The following BABAM2 variants were observed in gnomAD, a reference collection of about 807,000 sequenced individuals.
BABAM2 encodes BRISC and BRCA1 A complex member 2.
In BABAM2, 31 loss-of-function variants were observed where a neutral mutation model predicts 54.7. That is an observed-to-expected ratio of 0.57 (90% CI 0.43 to 0.77). The LOEUF (loss-of-function observed/expected upper bound fraction) is 0.77, where lower values mean the gene tolerates loss of function less well. Ranked by LOEUF, BABAM2 falls within the 30% of genes least tolerant of loss-of-function variation. BABAM2 has a pLI of 0.00. For missense variants in BABAM2, 364 were observed against 455.8 expected (o/e 0.80, Z 1.83); for synonymous variants, 167 against 162.9 (o/e 1.03, Z -0.19).
intron 9 of BABAM2, among the ~76,000 whole-genome samples, chr2:28,241,814 C>A (rs918023137): frequency 6.6e-6 from 1 of 151,554 alleles, no homozygotes; most frequent in African/African-American, 2.4e-5. Flanking sequence ...CTTTTTAATG[C>A]CACTTTGATC....
chr2:28,295,059 C>A (rs1687574371), intron 10 of BABAM2, among the ~76,000 whole-genome samples: 1 of 152,192 alleles, frequency 6.6e-6, no homozygotes, highest in Admixed American at 6.5e-5. Flanking sequence ...CAGGTAGATA[C>A]ATTTCCTTCA....
intron 6 of BABAM2, among the ~76,000 whole-genome samples, chr2:28,112,412 G>A (rs990052344): frequency 4.0e-5 from 6 of 151,378 alleles, no homozygotes; most frequent in Non-Finnish European, 7.4e-5. Context: ...TTGTGTCCAT[G>A]TGTTCTCATT....
chr2:27,914,230 C>A (rs1357661270), intron 2 of BABAM2, among the ~76,000 whole-genome samples: 1 of 152,128 alleles, frequency 6.6e-6, no homozygotes, highest in South Asian at 2.1e-4. Context: ...CTCCATGAGT[C>A]CCAACACAGC....
At chr2:28,133,644 G>A (rs1367241826) in intron 7 of BABAM2, among the ~76,000 whole-genome samples, 3 of 152,170 alleles carry the variant, frequency 2.0e-5, no homozygotes, top group African/African-American at 4.8e-5. Flanking sequence ...CAGTCTGACT[G>A]TTCCTCTGTC....
At chr2:28,277,173 T>C (rs1336661881) in intron 10 of BABAM2, among the ~76,000 whole-genome samples, 2 of 152,166 alleles carry the variant, frequency 1.3e-5, no homozygotes, top group Non-Finnish European at 2.9e-5. Flanking sequence ...TGGGGCGACC[T>C]CGGCTCACTG....
At chr2:28,025,912 A>G (rs991189321) in intron 5 of BABAM2, among the ~76,000 whole-genome samples, 1 of 152,216 alleles carries the variant, frequency 6.6e-6, no homozygotes, top group Admixed American at 6.5e-5. Flanking sequence ...GTCAGACCTT[A>G]TCACTTCTCT....
At chr2:28,293,062 A>G (rs1687415850) in intron 10 of BABAM2, among the ~76,000 whole-genome samples, 2 of 152,122 alleles carry the variant, frequency 1.3e-5, no homozygotes, top group Non-Finnish European at 1.5e-5. Flanking sequence ...CCCTGCTTGT[A>G]TTTATTCTAT....
chr2:27,897,581 A>G (rs1303344737), intron 2 of BABAM2, among the ~76,000 whole-genome samples: 1 of 151,040 alleles, frequency 6.6e-6, no homozygotes, highest in Non-Finnish European at 1.5e-5. Flanking sequence ...ACATTAGGGG[A>G]TTTATAAATC....
intron 4 of BABAM2, among the ~76,000 whole-genome samples, chr2:27,992,294 G>A (rs758669237): frequency 8.5e-5 from 13 of 152,128 alleles, no homozygotes; most frequent in Non-Finnish European, 1.6e-4. Flanking sequence ...AAGACAAAGA[G>A]TCACATCCAT....
chr2:27,903,633 C>G (rs554936288), intron 2 of BABAM2, among the ~76,000 whole-genome samples: 124 of 152,302 alleles, frequency 8.1e-4, no homozygotes, highest in African/African-American at 3.0e-3. Flanking sequence ...CCTGAAACCT[C>G]TGATGGAACT....
intron 10 of BABAM2, among the ~76,000 whole-genome samples, chr2:28,252,328 C>A (rs553771363): frequency 2.6e-5 from 4 of 152,004 alleles, no homozygotes; most frequent in African/African-American, 9.7e-5. Flanking sequence ...TTACTAAATG[C>A]CTTTTTGCTT....
chr2:28,181,123 G>T (rs1675579405), intron 7 of BABAM2, among the ~76,000 whole-genome samples: 1 of 152,106 alleles, frequency 6.6e-6, no homozygotes, highest in Non-Finnish European at 1.5e-5. Context: ...TTATCCAAAG[G>T]AAAGGAAATA....
intron 2 of BABAM2, among the ~76,000 whole-genome samples, chr2:27,928,277 G>T (rs1667854342): frequency 1.3e-5 from 2 of 152,042 alleles, no homozygotes; most frequent in East Asian, 3.9e-4. Flanking sequence ...GCCTCCCAAA[G>T]GGCTGGGATT....
chr2:28,090,566 C>T (rs540526542), intron 6 of BABAM2, among the ~76,000 whole-genome samples: 8 of 152,204 alleles, frequency 5.3e-5, no homozygotes, highest in South Asian at 2.1e-4. Context: ...TTTTCATGTC[C>T]GTATTTTCTT....
chr2:27,972,355 A>G (rs1671278133), intron 3 of BABAM2, among the ~76,000 whole-genome samples: 1 of 152,252 alleles, frequency 6.6e-6, no homozygotes, highest in Non-Finnish European at 1.5e-5. Flanking sequence ...CAATATAAGA[A>G]AGAACTTTTT....
chr2:28,105,453 T>C (rs1360375999), intron 6 of BABAM2, among the ~76,000 whole-genome samples: 1 of 152,048 alleles, frequency 6.6e-6, no homozygotes, highest in Non-Finnish European at 1.5e-5. Flanking sequence ...CGTGGTGCCA[T>C]GGACCTAGGG....
intron 5 of BABAM2, among the ~76,000 whole-genome samples, chr2:28,037,671 A>G (rs966116500): frequency 1.3e-5 from 2 of 152,224 alleles, no homozygotes; most frequent in African/African-American, 2.4e-5. Flanking sequence ...ACCAGCAGCA[A>G]TATATGAAAG....
At chr2:28,253,713 C>T (rs1172682340) in intron 10 of BABAM2, among the ~76,000 whole-genome samples, 1 of 152,134 alleles carries the variant, frequency 6.6e-6, no homozygotes, top group Non-Finnish European at 1.5e-5. Flanking sequence ...CTGTAAGCCC[C>T]AAGAACAAGA....
intron 7 of BABAM2, among the ~76,000 whole-genome samples, chr2:28,201,726 C>T (rs1678291731): frequency 6.6e-6 from 1 of 152,190 alleles, no homozygotes; most frequent in South Asian, 2.1e-4. Context: ...GTAGCCTCAA[C>T]TAATCCTCCA....
Sources: allele counts gnomAD v4.1 joint callset (sites outside exome capture counted in the v4.1 genomes callset), GRCh38; gene constraint gnomAD v4.1.1; transcripts MANE v1.5; gene names NCBI Gene and HGNC (gene_info 2026-07-23, HGNC 2026-07-21).